MPP7: variants seen among roughly 807,000 people sequenced by gnomAD.
MPP7 encodes MAGUK p55 subfamily member 7.
MPP7 carries 60 observed loss-of-function variants against 76.5 expected under a neutral mutation model. The observed-to-expected ratio is 0.78, with a 90% CI of 0.64 to 0.97. The LOEUF (loss-of-function observed/expected upper bound fraction) is 0.97. MPP7 is among the 50% of genes least tolerant of loss of function. MPP7 has a pLI of 0.00. For synonymous variants in MPP7, 237 were observed against 244.5 expected, an observed-to-expected ratio of 0.97 and a Z score of 0.29; for missense variants, 641 against 694.0, an observed-to-expected ratio of 0.92 and a Z score of 0.86.
intron 3 of MPP7, among the ~76,000 whole-genome samples, chr10:28,164,943 T>A (rs1482873518): frequency 6.6e-6 from 1 of 152,178 alleles, no homozygotes; most frequent in Non-Finnish European, 1.5e-5. Flanking sequence ...TACATTTGTA[T>A]CCCCTAAACC....
At chr10:28,096,080 T>C (rs1853557354) in intron 11 of MPP7, among the ~76,000 whole-genome samples, 1 of 152,206 alleles carries the variant, frequency 6.6e-6, no homozygotes, top group African/African-American at 2.4e-5. Context: ...ATTTATAGCT[T>C]TGGTGAAAGT....
Position 28,104,616 on chromosome 10 carries a change from T to G in MPP7, c.953-14775A>C, listed in dbSNP as rs149708822. On this transcript the variant is annotated intron_variant, in intron 11 of 16. Coordinates refer to ENST00000683449, the MANE Select transcript of MPP7 (RefSeq NM_001318170.2). The stretch of plus-strand genomic sequence containing the variant: ...TTTAAATGAGAGACTATGATCAAAC[T>G]TGCTTATTCTACAAAAGAACTAACG... 8.6e-3 allele frequency among the ~76,000 whole-genome samples: 1,308 copies of G among 152,322 alleles called. 13 individuals are homozygous for G. Among genetic ancestry groups the G allele is most frequent in the Middle Eastern group, 0.054 (16 of 294 alleles).
intron 2 of MPP7, among the ~76,000 whole-genome samples, chr10:28,227,640 A>G (rs1838740300): frequency 6.6e-6 from 1 of 152,186 alleles, no homozygotes; most frequent in Non-Finnish European, 1.5e-5. Context: ...TGCAAAGGAC[A>G]TGGTTGATCT....
At chr10:28,247,786 T>C (rs888700282) in intron 1 of MPP7, among the ~76,000 whole-genome samples, 2 of 152,240 alleles carry the variant, frequency 1.3e-5, no homozygotes, top group Non-Finnish European at 2.9e-5. Flanking sequence ...TAGCCCTTTA[T>C]GTATTAAACG....
chr10:28,299,766 CT>C (rs59047415), intron 1 of MPP7, among the ~76,000 whole-genome samples: 8,921 of 132,590 alleles, frequency 0.067, 488 homozygotes, highest in African/African-American at 0.19. Flanking sequence ...AAATTCAAGA[CT>C]TTTTTTTTTT....
intron 1 of MPP7, among the ~76,000 whole-genome samples, chr10:28,247,619 C>A (rs570040954): frequency 6.6e-6 from 1 of 152,308 alleles, no homozygotes; most frequent in African/African-American, 2.4e-5. Flanking sequence ...TGTGTATGAG[C>A]TTATACCCAT....
At chr10:28,169,286 T>C (rs1183139398) in intron 3 of MPP7, among the ~76,000 whole-genome samples, 1 of 151,278 alleles carries the variant, frequency 6.6e-6, no homozygotes, top group Non-Finnish European at 1.5e-5. Flanking sequence ...AACCCAGGAA[T>C]TCAGGACCAG....
intron 2 of MPP7, among the ~76,000 whole-genome samples, chr10:28,328,125 G>A (rs1834435815): frequency 1.3e-5 from 2 of 151,684 alleles, no homozygotes; most frequent in African/African-American, 4.8e-5. Flanking sequence ...CTTGGTACTT[G>A]GCTAATAAAA....
At chr10:28,310,421 T>G (rs918385885) in intron 2 of MPP7, among the ~76,000 whole-genome samples, 2 of 152,168 alleles carry the variant, frequency 1.3e-5, no homozygotes, top group African/African-American at 4.8e-5. Context: ...TCTGTCTTCA[T>G]GCCTGCATCT....
intron 1 of MPP7, among the ~76,000 whole-genome samples, chr10:28,330,560 T>C (rs954828409): frequency 2.0e-5 from 3 of 152,172 alleles, no homozygotes; most frequent in Non-Finnish European, 2.9e-5. Context: ...CTCTGGCCTA[T>C]GCAATATGGG....
intron 3 of MPP7, among the ~76,000 whole-genome samples, chr10:28,156,435 A>C (rs1446818193): frequency 6.6e-6 from 1 of 152,204 alleles, no homozygotes; most frequent in Non-Finnish European, 1.5e-5. Flanking sequence ...AGACCTAAAG[A>C]TCAACATCAA....
intron 3 of MPP7, among the ~76,000 whole-genome samples, chr10:28,198,776 A>G (rs185909837): frequency 2.0e-5 from 3 of 152,262 alleles, no homozygotes; most frequent in Admixed American, 1.3e-4. Context: ...TCTAGAAATG[A>G]GGTTGGGATA....
chr10:28,221,128 G>C (rs963129513), intron 2 of MPP7, among the ~76,000 whole-genome samples: 1 of 152,164 alleles, frequency 6.6e-6, no homozygotes, highest in African/African-American at 2.4e-5. Flanking sequence ...TGGTAGGTTA[G>C]AAAGTTTGCA....
chr10:28,057,926 A>C, intron 15 of MPP7: 9 of 1,146,818 alleles, frequency 7.8e-6, no homozygotes, highest in Non-Finnish European at 8.8e-6. Context: ...GAATGGCCTC[A>C]TCCACTGAAG....
chr10:28,333,566 C>T (rs1324987618), intron 1 of MPP7, among the ~76,000 whole-genome samples: 1 of 152,168 alleles, frequency 6.6e-6, no homozygotes, highest in Admixed American at 6.5e-5. Context: ...TCAGATGTTC[C>T]GTTATGCAAC....
intron 2 of MPP7, among the ~76,000 whole-genome samples, chr10:28,225,817 T>A (rs750960081): frequency 1.3e-5 from 2 of 152,214 alleles, no homozygotes; most frequent in African/African-American, 2.4e-5. Flanking sequence ...CACAGGGACA[T>A]ACTTATTTTT....
chr10:28,233,201 G>A (rs1393105808), intron 2 of MPP7, among the ~76,000 whole-genome samples: 2 of 152,188 alleles, frequency 1.3e-5, no homozygotes, highest in East Asian at 3.8e-4. Flanking sequence ...GTGGATGGTA[G>A]TAGCAGGTTT....
chr10:28,211,684 C>A (rs7916791), intron 2 of MPP7, among the ~76,000 whole-genome samples: 8 of 151,712 alleles, frequency 5.3e-5, no homozygotes, highest in Admixed American at 3.3e-4. Context: ...GTCATCATTT[C>A]GAATTAATAA....
At chr10:28,143,450 T>A (rs1835593008) in intron 5 of MPP7, among the ~76,000 whole-genome samples, 1 of 149,346 alleles carries the variant, frequency 6.7e-6, no homozygotes, top group South Asian at 2.1e-4. Flanking sequence ...TAATAAATTA[T>A]CACATCTTAT....
Sources: gnomAD v4.1 joint callset for allele counts (sites outside exome capture counted in the v4.1 genomes callset) on GRCh38, gnomAD v4.1.1 for gene constraint, MANE v1.5 for transcripts, NCBI Gene and HGNC (gene_info 2026-07-23, HGNC 2026-07-21) for gene names.